Variants in WFDC8 observed in about 807,000 individuals in gnomAD.
WFDC8 encodes WAP four-disulfide core domain 8, also known as WAP four-disulfide core domain protein 8.
A neutral mutation model predicts 27.0 loss-of-function variants in WFDC8; 24 were observed. The ratio of observed to expected loss-of-function variants is 0.89; its 90% CI spans 0.64 to 1.25. The LOEUF is 1.25. Ranked by LOEUF, WFDC8 falls within the 50% of genes most tolerant of loss-of-function variation. WFDC8 has a pLI of 0.00. For synonymous variants in WFDC8, 106 were observed against 99.7 expected (o/e 1.06, Z -0.38); for missense variants, 287 against 295.9 (o/e 0.97, Z 0.22).
chr20:45,556,578 A>G (rs960108498), intron 3 of WFDC8, among the ~76,000 whole-genome samples: 2 of 152,144 alleles, frequency 1.3e-5, no homozygotes, highest in African/African-American at 4.8e-5. Context: ...GTTGACAATG[A>G]CCAACTGAGA....
chr20:45,578,935 C>T (rs915150747), intron 1 of WFDC8, among the ~76,000 whole-genome samples: 4 of 152,036 alleles, frequency 2.6e-5, no homozygotes, highest in Admixed American at 6.6e-5. Context: ...GGTGAAACCC[C>T]GTCTCTACTA....
At chr20:45,570,641 G>T (rs1381596244) in intron 1 of WFDC8, among the ~76,000 whole-genome samples, 1 of 152,150 alleles carries the variant, frequency 6.6e-6, no homozygotes, top group Non-Finnish European at 1.5e-5. Context: ...GTATTTTTAT[G>T]AACCTAAGTA....
intron 1 of WFDC8, among the ~76,000 whole-genome samples, chr20:45,564,919 A>C (rs906076432): frequency 6.7e-6 from 1 of 149,812 alleles, no homozygotes; most frequent in African/African-American, 2.5e-5. Flanking sequence ...AAAAGAAGAA[A>C]GAGAGAGTGA....
chr20:45,562,308 A>G (rs1189141632), intron 1 of WFDC8, 89 bp from the exon 2 acceptor site: 10 of 1,048,116 alleles, frequency 9.5e-6, no homozygotes, highest in Admixed American at 7.9e-5. Context: ...ATGATCCACC[A>G]GGTCCCTTTA....
chr20:45,555,197 G>A (rs1257112607), intron 4 of WFDC8, among the ~76,000 whole-genome samples: 1 of 152,160 alleles, frequency 6.6e-6, no homozygotes, highest in Non-Finnish European at 1.5e-5. Flanking sequence ...AGTTTGGTAG[G>A]ACACTGTTTC....
chr20:45,578,018 AAAAAATAAAAAT>A (rs61399493), intron 1 of WFDC8, among the ~76,000 whole-genome samples: 2,725 of 63,686 alleles, frequency 0.043, 97 homozygotes, highest in African/African-American at 0.11. Flanking sequence ...AACAAAACAA[AAAAAATAAAAAT>A]AAAAATAAAT....
At chr20:45,567,271 G>T (rs1451024863) in intron 1 of WFDC8, among the ~76,000 whole-genome samples, 1 of 152,052 alleles carries the variant, frequency 6.6e-6, no homozygotes, top group East Asian at 1.9e-4. Context: ...CTCCAAACAA[G>T]TTACTATGAG....
At chr20:45,560,899 C>T (rs1980442419) in intron 2 of WFDC8, among the ~76,000 whole-genome samples, 1 of 152,200 alleles carries the variant, frequency 6.6e-6, no homozygotes, top group African/African-American at 2.4e-5. Flanking sequence ...GAATCAGAAT[C>T]TCTAGAAAGT....
intron 1 of WFDC8, among the ~76,000 whole-genome samples, chr20:45,563,878 G>C (rs6094168): frequency 0.38 from 58,315 of 152,090 alleles, 11,659 homozygotes; most frequent in Non-Finnish European, 0.43. Context: ...AGCAGATCTC[G>C]TGGGATGGAG....
chr20:45,568,810 T>C (rs1436600042), intron 1 of WFDC8: 1 of 388,428 alleles, frequency 2.6e-6, no homozygotes, highest in Admixed American at 2.6e-5. Flanking sequence ...AAAGACATAA[T>C]AGGATAGTGA....
intron 1 of WFDC8, among the ~76,000 whole-genome samples, chr20:45,562,446 T>A (rs1268257185): frequency 6.6e-6 from 1 of 152,206 alleles, no homozygotes; most frequent in Non-Finnish European, 1.5e-5. Context: ...GCCATGGTGC[T>A]GTACCTTGTG....
intron 1 of WFDC8, among the ~76,000 whole-genome samples, chr20:45,570,646 TAA>T (rs1332353907): frequency 2.0e-5 from 3 of 152,200 alleles, no homozygotes; most frequent in African/African-American, 7.2e-5. Flanking sequence ...TTTATGAACC[TAA>T]GTATTCATTT....
At chr20:45,555,911 A>G in intron 3 of WFDC8, 43 bp from the exon 4 acceptor site, 2 of 1,588,220 alleles carry the variant, frequency 1.3e-6, no homozygotes, top group Non-Finnish European at 1.7e-6. Flanking sequence ...AAGAGTAGAG[A>G]TAAAAGAACA....
chr20:45,555,758 C>T lies in WFDC8; in HGVS notation c.388G>A (p.Gly130Arg), dbSNP rs929185239. 4.0e-5 allele frequency: 64 copies of T among 1,613,260 alleles called. No individual in the cohort carries two copies. The highest frequency in any genetic ancestry group is 5.3e-5 in the Non-Finnish European group (62 of 1,180,024). ...CTPFKYRGCE[G>R]NANNFLNEDA... Reference sequence around the variant, plus strand: ...TCATTTAAGAAGTTGTTGGCATTCCCTTCGCAGCCCCTGTATTTGAAGGGT... The same window carrying T: ...TCATTTAAGAAGTTGTTGGCATTCCTTTCGCAGCCCCTGTATTTGAAGGGT... Residue 130 changes from glycine to arginine, a missense_variant, in exon 4 of 6, where the codon GGG (glycine) becomes AGG (arginine). Gly to Arg is a moderately radical substitution (Grantham distance 125). Coordinates refer to ENST00000289953, the MANE Select transcript of WFDC8 (RefSeq NM_130896.3).
intron 5 of WFDC8, 37 bp downstream of exon 5, chr20:45,553,098 TG>T (rs1265564889): frequency 6.3e-6 from 10 of 1,589,426 alleles, no homozygotes; most frequent in Non-Finnish European, 8.6e-6. Context: ...CCTTGGCACA[TG>T]CCCAATAGAT....
In WFDC8 at chr20:45,558,866, A is replaced by G. The variant is rs1054635782; in HGVS notation, c.263T>C (p.Met88Thr). The G allele has an allele frequency of 1.9e-6, 3 of 1,614,050 alleles. No individual in the cohort carries two copies. The African/African-American group carries it at 4.0e-5, about 22-fold the overall frequency. Residue 88 changes from methionine (M) to threonine (T), a missense_variant, in exon 3 of 6, where the codon ATG (methionine) becomes ACG (threonine). Transcript: ENST00000289953. ...CCFFACQKKC[M>T]DPFQEPCMLP... ...GACATCGCTACCTTGAAAGGGATCC[A>G]TGCACTTCTTCTGACAGGCAAAAAA...
At chr20:45,563,361 T>C (rs745444948) in intron 1 of WFDC8, among the ~76,000 whole-genome samples, 5 of 152,182 alleles carry the variant, frequency 3.3e-5, no homozygotes, top group Non-Finnish European at 5.9e-5. Flanking sequence ...TGAGATAGCA[T>C]GAAGATTTAA....
intron 1 of WFDC8, chr20:45,568,183 AGTT>A (rs1980747381): frequency 3.5e-6 from 1 of 286,140 alleles, no homozygotes; most frequent in Admixed American, 3.7e-5. Context: ...GAAAATTTGG[AGTT>A]GTTCCCTAAT....
intron 2 of WFDC8, among the ~76,000 whole-genome samples, chr20:45,560,110 C>T (rs950585505): frequency 6.6e-6 from 1 of 152,132 alleles, no homozygotes; most frequent in Non-Finnish European, 1.5e-5. Context: ...TCAATTAGGT[C>T]CTTGAAAAGC....
Sources: gnomAD v4.1 joint callset for allele counts (sites outside exome capture counted in the v4.1 genomes callset) on GRCh38, gnomAD v4.1.1 for gene constraint, MANE v1.5 for transcripts, NCBI Gene and HGNC (gene_info 2026-07-23, HGNC 2026-07-21) for gene names.